The following FAM193A variants were observed in gnomAD, a reference collection of about 807,000 sequenced individuals.
FAM193A encodes the protein protein FAM193A.
A neutral mutation model predicts 126.5 loss-of-function variants in FAM193A; 22 were observed. The observed-to-expected ratio is 0.17, with a 90% CI of 0.12 to 0.25. The LOEUF (loss-of-function observed/expected upper bound fraction) is 0.25. Among genes scored for constraint, FAM193A ranks in the 10% least tolerant of loss-of-function variants. The pLI is 1.00. For missense variants in FAM193A, 1,675 were observed against 1,672.8 expected, an observed-to-expected ratio of 1.00 and a Z score of -0.02; for synonymous variants, 761 against 646.8, an observed-to-expected ratio of 1.18 and a Z score of -2.68.
intron 1 of FAM193A, among the ~76,000 whole-genome samples, chr4:2,568,509 C>A (rs972707047): frequency 6.6e-6 from 1 of 152,084 alleles, no homozygotes; most frequent in Non-Finnish European, 1.5e-5. Context: ...AGCAGCAAGA[C>A]CCTGTCTGTA....
chr4:2,643,332 A>G (rs1007997851), intron 6 of FAM193A, among the ~76,000 whole-genome samples: 11 of 150,024 alleles, frequency 7.3e-5, no homozygotes, highest in Non-Finnish European at 1.6e-4. Context: ...TCTGCATCCT[A>G]TGAAATACAT....
intron 1 of FAM193A, among the ~76,000 whole-genome samples, chr4:2,548,551 G>A (rs767528862): frequency 6.6e-6 from 1 of 152,000 alleles, no homozygotes; most frequent in Non-Finnish European, 1.5e-5. Flanking sequence ...CCGCCTCCCA[G>A]ATTCAAGTGA....
chr4:2,559,884 T>C (rs1370436525), intron 1 of FAM193A, among the ~76,000 whole-genome samples: 2 of 152,184 alleles, frequency 1.3e-5, no homozygotes, highest in Non-Finnish European at 1.5e-5. Flanking sequence ...GCTTGTGTAG[T>C]GCGGCCTGCG....
At chr4:2,662,691 A>G in intron 10 of FAM193A, 147 bp from the exon 11 acceptor site, 1 of 503,384 alleles carries the variant, frequency 2.0e-6, no homozygotes, top group Non-Finnish European at 3.5e-6. Flanking sequence ...TTACTAAGAA[A>G]TGTTAGTGGT....
At chr4:2,684,012 T>A (rs1291760181) in intron 13 of FAM193A, among the ~76,000 whole-genome samples, 1 of 152,230 alleles carries the variant, frequency 6.6e-6, no homozygotes, top group Non-Finnish European at 1.5e-5. Context: ...TTGCCAGCAT[T>A]TCTTCCCATC....
At chr4:2,603,167 TA>T (rs201541405) in intron 2 of FAM193A, among the ~76,000 whole-genome samples, 5,742 of 149,142 alleles carry the variant, frequency 0.039, 376 homozygotes, top group African/African-American at 0.13. Context: ...TATATATATA[TA>T]TTTTTTAGTA....
chr4:2,725,864 A>G (rs1306705153), intron 20 of FAM193A, among the ~76,000 whole-genome samples: 1 of 151,954 alleles, frequency 6.6e-6, no homozygotes. Flanking sequence ...GGCGTGGGCC[A>G]CCAATCTCAG....
At chr4:2,608,380 T>C (rs1396967724) in intron 2 of FAM193A, among the ~76,000 whole-genome samples, 1 of 152,108 alleles carries the variant, frequency 6.6e-6, no homozygotes, top group East Asian at 1.9e-4. Context: ...GGTTTTGCCA[T>C]GTTGCTCAGG....
intron 13 of FAM193A, among the ~76,000 whole-genome samples, chr4:2,684,945 T>C (rs781128651): frequency 4.6e-5 from 7 of 152,216 alleles, no homozygotes; most frequent in Non-Finnish European, 8.8e-5. Flanking sequence ...TGCATTTTGC[T>C]GCTCCTTCCA....
chr4:2,720,799 C>G (rs897423413), intron 20 of FAM193A, among the ~76,000 whole-genome samples: 27 of 152,144 alleles, frequency 1.8e-4, no homozygotes, highest in African/African-American at 6.5e-4. Context: ...ATACAAAAGA[C>G]TGAAACTTTA....
chr4:2,581,998 G>A (rs925639745), intron 1 of FAM193A, among the ~76,000 whole-genome samples: 4 of 152,128 alleles, frequency 2.6e-5, no homozygotes, highest in African/African-American at 7.2e-5. Flanking sequence ...TATGGAAGTC[G>A]TAGTTAAAAG....
At chr4:2,556,587 T>C (rs1029306429) in intron 1 of FAM193A, among the ~76,000 whole-genome samples, 1 of 152,090 alleles carries the variant, frequency 6.6e-6, no homozygotes. Flanking sequence ...GAGGCTGATG[T>C]GGGGGGATCA....
At chr4:2,729,736 G>T (rs1022805928) in intron 20 of FAM193A, among the ~76,000 whole-genome samples, 1 of 152,046 alleles carries the variant, frequency 6.6e-6, no homozygotes, top group Non-Finnish European at 1.5e-5. Context: ...ACAGCCTCCC[G>T]AGTAGCTAGG....
At chr4:2,723,057 A>T (rs1038846198) in intron 20 of FAM193A, among the ~76,000 whole-genome samples, 1 of 152,150 alleles carries the variant, frequency 6.6e-6, no homozygotes, top group African/African-American at 2.4e-5. Context: ...GAGGATCACG[A>T]GGTCAGGAGA....
chr4:2,661,638 T>G (rs1196181366), intron 10 of FAM193A, among the ~76,000 whole-genome samples: 1 of 152,176 alleles, frequency 6.6e-6, no homozygotes, highest in Non-Finnish European at 1.5e-5. Flanking sequence ...TTACTTGTAA[T>G]GTGTTGAAAA....
chr4:2,563,048 G>T, intron 1 of FAM193A, among the ~76,000 whole-genome samples: 1 of 151,864 alleles, frequency 6.6e-6, no homozygotes, highest in Non-Finnish European at 1.5e-5. Flanking sequence ...AGATTCAAGC[G>T]ATTATCTTGC....
At chr4:2,692,691 G>C (rs1029659870) in intron 15 of FAM193A, among the ~76,000 whole-genome samples, 1 of 152,230 alleles carries the variant, frequency 6.6e-6, no homozygotes, top group African/African-American at 2.4e-5. Context: ...TGTGAAAAGA[G>C]AAAAGGGTTG....
chr4:2,703,842 C>T (rs1718012043), intron 19 of FAM193A, among the ~76,000 whole-genome samples: 1 of 150,248 alleles, frequency 6.7e-6, no homozygotes, highest in Non-Finnish European at 1.5e-5. Flanking sequence ...CATGGTGGTG[C>T]ACGCCTGTAG....
intron 6 of FAM193A, among the ~76,000 whole-genome samples, chr4:2,640,519 G>C (rs1158073645): frequency 6.6e-6 from 1 of 152,220 alleles, no homozygotes; most frequent in Non-Finnish European, 1.5e-5. Flanking sequence ...TTACTCAGCA[G>C]AACGCTGTTC....
Sources: gnomAD v4.1 joint callset for allele counts (sites outside exome capture counted in the v4.1 genomes callset) on GRCh38, gnomAD v4.1.1 for gene constraint, MANE v1.5 for transcripts, NCBI Gene and HGNC (gene_info 2026-07-23, HGNC 2026-07-21) for gene names.